The following PAFAH1B1 variants were observed in gnomAD, a reference collection of about 807,000 sequenced individuals.
PAFAH1B1 encodes the protein platelet-activating factor acetylhydrolase IB subunit beta.
Under a neutral mutation model 57.5 loss-of-function variants are expected in PAFAH1B1, and 2 were observed. The ratio of observed to expected loss-of-function variants is 0.03; its 90% CI spans 0.01 to 0.11. The LOEUF (loss-of-function observed/expected upper bound fraction) is 0.11, where lower values mean the gene tolerates loss of function less well. PAFAH1B1 is among the 10% of genes least tolerant of loss of function. The pLI, the probability that PAFAH1B1 is intolerant of heterozygous loss-of-function variation, is 1.00. For missense variants in PAFAH1B1, 257 were observed against 512.0 expected (o/e 0.50, Z 4.81); for synonymous variants, 152 against 169.6 (o/e 0.90, Z 0.81).
intron 1 of PAFAH1B1, chr17:2,613,678 G>A (rs545418776): frequency 2.5e-5 from 7 of 283,556 alleles, no homozygotes; most frequent in African/African-American, 1.1e-4. Flanking sequence ...GCCCCTCCGC[G>A]AAGCTGCAGA....
chr17:2,656,642 G>A (rs769774295), intron 2 of PAFAH1B1, among the ~76,000 whole-genome samples: 31 of 152,074 alleles, frequency 2.0e-4, no homozygotes, highest in Admixed American at 2.0e-4. Flanking sequence ...TCAACAATTG[G>A]AAGCTATATT....
Position 2,684,247 on chromosome 17 carries a change from C to T in PAFAH1B1, c.*2445C>T, listed in dbSNP as rs1356792257. 3 of 152,644 alleles carry T rather than the reference C, an allele frequency of 2.0e-5. No homozygotes were observed. The highest frequency in any genetic ancestry group is 7.2e-5 in the African/African-American group (3 of 41,428). The allele number at this position is 152,644 out of a possible 1,614,324, so 9.5% of individuals were successfully genotyped here. On this transcript the variant is annotated 3_prime_UTR_variant, in exon 11 of 11. Coordinates refer to ENST00000397195, the MANE Select transcript of PAFAH1B1 (RefSeq NM_000430.4). ...GTGGGGGAGAGCAGTCCGTCTACAA[C>T]CTGGAATCAGATTTGCAAAATTTCC... is the stretch of plus-strand genomic sequence containing the variant.
Position 2,638,537 on chromosome 17 carries a change from C to T in PAFAH1B1, c.32+217C>T, listed in dbSNP as rs571772401. The T allele has an allele frequency of 2.4e-4, 121 of 501,868 alleles. 2 individuals carry two copies. The South Asian group carries it at 2.5e-3, about 10-fold the overall frequency. 31.1% of individuals were successfully genotyped at this position (501,868 alleles called of 1,614,324 possible). On this transcript the variant is annotated intron_variant, in intron 2 of 10. Transcript: ENST00000397195. ...TTATTCTTTCTGAGAAGGAGTTTTT[C>T]GCTTTTGTCACCCAGGCTGGAGTGC... is the stretch of plus-strand genomic sequence containing the variant.
At chr17:2,598,550 A>T (rs753916007) in intron 1 of PAFAH1B1, among the ~76,000 whole-genome samples, 3 of 152,002 alleles carry the variant, frequency 2.0e-5, no homozygotes, top group Non-Finnish European at 4.4e-5. Context: ...TTTGAAGTGG[A>T]AATTCTTTGC....
chr17:2,618,948 C>T (rs2068382506), intron 1 of PAFAH1B1, among the ~76,000 whole-genome samples: 1 of 117,996 alleles, frequency 8.5e-6, no homozygotes, highest in Admixed American at 8.1e-5. Context: ...GAGTGAGACT[C>T]CGTCTCAAAA....
At chr17:2,637,024 C>G (rs2068633679) in intron 1 of PAFAH1B1, among the ~76,000 whole-genome samples, 1 of 152,250 alleles carries the variant, frequency 6.6e-6, no homozygotes, top group East Asian at 1.9e-4. Context: ...CACACCCCGC[C>G]TCTCATTCTT....
chr17:2,644,013 C>T (rs769927382), intron 2 of PAFAH1B1, among the ~76,000 whole-genome samples: 1 of 152,110 alleles, frequency 6.6e-6, no homozygotes, highest in Non-Finnish European at 1.5e-5. Context: ...GGACTGCAGG[C>T]TCCCGCCACC....
At chr17:2,664,591 G>T (rs948848933) in intron 2 of PAFAH1B1, among the ~76,000 whole-genome samples, 1 of 151,862 alleles carries the variant, frequency 6.6e-6, no homozygotes, top group South Asian at 2.1e-4. Context: ...TTTTAGTGGA[G>T]ACGGGGTTTC....
chr17:2,634,071 A>C (rs1368778192), intron 1 of PAFAH1B1, among the ~76,000 whole-genome samples: 3 of 151,592 alleles, frequency 2.0e-5, no homozygotes, highest in Non-Finnish European at 1.5e-5. Flanking sequence ...CATACGTAAA[A>C]TGGAGTTAAT....
intron 2 of PAFAH1B1, among the ~76,000 whole-genome samples, chr17:2,655,698 G>A (rs772054154): frequency 2.0e-5 from 3 of 151,952 alleles, no homozygotes; most frequent in East Asian, 1.9e-4. Flanking sequence ...TAGTTGCTAC[G>A]TGTGACGACA....
chr17:2,669,211 T>TA (rs1281125666), intron 5 of PAFAH1B1, among the ~76,000 whole-genome samples: 1 of 152,006 alleles, frequency 6.6e-6, no homozygotes, highest in Non-Finnish European at 1.5e-5. Context: ...TTTTTTATAT[T>TA]AAAAAATGTT....
chr17:2,634,327 G>A (rs2151631698), intron 1 of PAFAH1B1, among the ~76,000 whole-genome samples: 1 of 152,238 alleles, frequency 6.6e-6, no homozygotes, highest in Middle Eastern at 3.4e-3. Flanking sequence ...AGTAGAGACG[G>A]GGTTTTGCCA....
chr17:2,645,155 G>A, intron 2 of PAFAH1B1, among the ~76,000 whole-genome samples: 1 of 152,154 alleles, frequency 6.6e-6, no homozygotes, highest in Non-Finnish European at 1.5e-5. Flanking sequence ...GCTGAGGCAA[G>A]AGGATTGCTT....
intron 1 of PAFAH1B1, chr17:2,613,671 C>A (rs1409554109): frequency 6.9e-6 from 2 of 287,950 alleles, no homozygotes; most frequent in Non-Finnish European, 1.4e-5. Flanking sequence ...GACAGCCGCC[C>A]CTCCGCGAAG....
intron 9 of PAFAH1B1, among the ~76,000 whole-genome samples, chr17:2,679,017 T>C (rs1316586464): frequency 6.6e-6 from 1 of 152,238 alleles, no homozygotes; most frequent in Non-Finnish European, 1.5e-5. Context: ...TGGTTGTATG[T>C]AATCTTAATA....
At chr17:2,649,764 T>G (rs912754779) in intron 2 of PAFAH1B1, among the ~76,000 whole-genome samples, 1 of 152,138 alleles carries the variant, frequency 6.6e-6, no homozygotes. Flanking sequence ...AAAAATCATT[T>G]GGAAGAGAAA....
intron 6 of PAFAH1B1, among the ~76,000 whole-genome samples, chr17:2,671,287 C>T (rs1597572553): frequency 6.6e-6 from 1 of 152,048 alleles, no homozygotes; most frequent in East Asian, 1.9e-4. Context: ...TGGCTCACTG[C>T]AACCTCCGCC....
chr17:2,642,497 G>A (rs990762989), intron 2 of PAFAH1B1: 1 of 152,040 alleles, frequency 6.6e-6, no homozygotes, highest in African/African-American at 2.4e-5. Context: ...GTTTAGACTT[G>A]GTTGAGTCTC....
At chr17:2,612,464 T>G (rs1326866792) in intron 1 of PAFAH1B1, among the ~76,000 whole-genome samples, 3 of 152,074 alleles carry the variant, frequency 2.0e-5, no homozygotes, top group Non-Finnish European at 2.9e-5. Context: ...CGCCTCAGCC[T>G]CCCAAAGTGC....
Sources: gnomAD v4.1 joint callset for allele counts (sites outside exome capture counted in the v4.1 genomes callset) on GRCh38, gnomAD v4.1.1 for gene constraint, MANE v1.5 for transcripts, NCBI Gene and HGNC (gene_info 2026-07-23, HGNC 2026-07-21) for gene names.